The following TULP4 variants were observed in gnomAD, a reference collection of about 807,000 sequenced individuals.
TULP4 encodes TUB like protein 4, also known as tubby-related protein 4.
In TULP4, 16 loss-of-function variants were observed where a neutral mutation model predicts 129.0. The observed-to-expected ratio is 0.12, with a 90% CI of 0.08 to 0.19. TULP4 has a LOEUF of 0.19. Among genes scored for constraint, TULP4 ranks in the 10% least tolerant of loss-of-function variants. TULP4 has a pLI of 1.00. For missense variants in TULP4, 1,842 were observed against 2,059.1 expected (o/e 0.89, Z 2.04); for synonymous variants, 998 against 854.0 (o/e 1.17, Z -2.94).
chr6:158,455,443 C>T (rs948341151), intron 5 of TULP4, among the ~76,000 whole-genome samples: 4 of 151,868 alleles, frequency 2.6e-5, no homozygotes, highest in African/African-American at 9.7e-5. Context: ...CAGTTATTTA[C>T]AGGATGCTTT....
At chr6:158,459,169 G>A (rs1779361884) in intron 5 of TULP4, among the ~76,000 whole-genome samples, 1 of 152,156 alleles carries the variant, frequency 6.6e-6, no homozygotes, top group East Asian at 1.9e-4. Flanking sequence ...GGTGGCTCAC[G>A]CCTGTAATCT....
intron 1 of TULP4, among the ~76,000 whole-genome samples, chr6:158,296,306 G>T (rs190365615): frequency 6.6e-6 from 1 of 151,808 alleles, no homozygotes; most frequent in Admixed American, 6.6e-5. Flanking sequence ...ATATTTCAAC[G>T]TAGGTTCTAT....
At position 158,362,670 on chromosome 6, in the gene TULP4, A is replaced by G. The variant is rs116484324; in HGVS notation, c.252+48402A>G. On this transcript the variant is annotated intron_variant, in intron 1 of 13. Transcript: ENST00000367097. ...CGGCCAGAGGGATTTTCATAATTAT[A>G]TTTATACTTCTCTGAGGTCTTTGGT... Among the ~76,000 whole-genome samples the G allele has an allele frequency of 8.9e-3, 1,358 of 152,180 alleles. 18 individuals carry two copies. Among genetic ancestry groups the G allele is most frequent in the African/African-American group, 0.03 (1,245 of 41,506 alleles).
chr6:158,349,251 CGGCCGGGCAGAGGCGCTCCTCACCTCCCA>C (rs1780418732), intron 1 of TULP4, among the ~76,000 whole-genome samples: 1 of 122,560 alleles, frequency 8.2e-6, no homozygotes, highest in Non-Finnish European at 1.7e-5. Flanking sequence ...CCAGATGGGG[CGGCCGGGCAGAGGCGCTCCTCACCTCCCA>C]GATGGGGCGG....
intron 1 of TULP4, among the ~76,000 whole-genome samples, chr6:158,341,145 A>G (rs1056057987): frequency 3.3e-5 from 5 of 151,930 alleles, no homozygotes; most frequent in South Asian, 2.1e-4. Flanking sequence ...CATGAGGTCA[A>G]TTTTTTTCTT....
At chr6:158,495,576 C>T (rs1476043708) in intron 11 of TULP4, among the ~76,000 whole-genome samples, 1 of 152,180 alleles carries the variant, frequency 6.6e-6, no homozygotes, top group Non-Finnish European at 1.5e-5. Context: ...AGTGCAGTGG[C>T]TCACGCCTGT....
chr6:158,309,213 A>G (rs1779287694), upstream of TULP4, among the ~76,000 whole-genome samples: 1 of 57,116 alleles, frequency 1.8e-5, no homozygotes. Context: ...CACTTCTCAG[A>G]CGGGACGGCC....
chr6:158,347,977 G>GT (rs907819948), intron 1 of TULP4, among the ~76,000 whole-genome samples: 93 of 147,712 alleles, frequency 6.3e-4, no homozygotes, highest in East Asian at 9.9e-4. Context: ...TCCAACCTGG[G>GT]TTTTTTTTTT....
intron 1 of TULP4, among the ~76,000 whole-genome samples, chr6:158,400,486 A>G (rs1777816516): frequency 1.4e-5 from 2 of 139,514 alleles, no homozygotes; most frequent in Admixed American, 1.4e-4. Flanking sequence ...ATCCGTATCT[A>G]AAATGGTCAT....
At chr6:158,479,725 A>AT (rs1779896219) in intron 6 of TULP4, 26 bp from the exon 7 acceptor site, 1 of 1,604,694 alleles carries the variant, frequency 6.2e-7, no homozygotes, top group Admixed American at 1.7e-5. Context: ...AAGCTTAAGC[A>AT]TTGTCTTCCC....
intron 1 of TULP4, among the ~76,000 whole-genome samples, chr6:158,335,211 A>C (rs759792944): frequency 6.7e-6 from 1 of 150,294 alleles, no homozygotes; most frequent in Non-Finnish European, 1.5e-5. Flanking sequence ...CGGGAGGCAG[A>C]GGTTGCAGTG....
intron 1 of TULP4, among the ~76,000 whole-genome samples, chr6:158,388,336 T>TTG: frequency 7.4e-6 from 1 of 135,600 alleles, no homozygotes. Context: ...TTTTTTTTTT[T>TTG]TTTTTTTTTT....
chr6:158,404,912 C>T (rs762461437), intron 1 of TULP4, among the ~76,000 whole-genome samples: 6 of 151,780 alleles, frequency 4.0e-5, no homozygotes, highest in African/African-American at 7.3e-5. Flanking sequence ...TATTTTAAGC[C>T]GAATGAGAAC....
At chr6:158,275,975 CTTCTTTTTT>C (rs1352063307) in intron 1 of TULP4, among the ~76,000 whole-genome samples, 2 of 151,974 alleles carry the variant, frequency 1.3e-5, no homozygotes, top group African/African-American at 4.8e-5. Flanking sequence ...GAGACTTTTT[CTTCTTTTTT>C]TTGTTACGGC....
At chr6:158,337,295 A>T (rs1463254980) in intron 1 of TULP4, among the ~76,000 whole-genome samples, 1 of 151,394 alleles carries the variant, frequency 6.6e-6, no homozygotes, top group Non-Finnish European at 1.5e-5. Context: ...ATGCCCAGCT[A>T]TTTTTTTGTA....
chr6:158,303,273 G>C lies in TULP4; in HGVS notation n.117-8778G>C, dbSNP rs561975907. On this transcript the variant is annotated intron_variant and non_coding_transcript_variant, in intron 1 of 1. Coordinates refer to the TULP4 transcript ENST00000432358. ...TCAATGTAGGTTCTATTTTCCGTAA[G>C]TGTTGGCCGGCTGAGAAATAAAGGC... is the stretch of plus-strand genomic sequence containing the variant. Among the ~76,000 whole-genome samples, 3 of 152,096 alleles carry C rather than the reference G, an allele frequency of 2.0e-5. No homozygotes were observed. The South Asian group carries it at 6.2e-4, about 32-fold the overall frequency.
intron 1 of TULP4, among the ~76,000 whole-genome samples, chr6:158,261,640 G>A (rs4710169): frequency 0.33 from 50,022 of 152,078 alleles, 9,219 homozygotes; most frequent in Admixed American, 0.45. Context: ...TTTCTTTAAC[G>A]TGCAGGGTTC....
chr6:158,299,508 C>T (rs1779097324), intron 1 of TULP4, among the ~76,000 whole-genome samples: 1 of 152,168 alleles, frequency 6.6e-6, no homozygotes, highest in Middle Eastern at 3.4e-3. Flanking sequence ...AGGGAGAGGC[C>T]GGAGACCAAA....
chr6:158,495,344 C>T (rs752951453), intron 11 of TULP4, among the ~76,000 whole-genome samples: 5 of 152,174 alleles, frequency 3.3e-5, no homozygotes, highest in South Asian at 2.1e-4. Flanking sequence ...TGAGCCATCA[C>T]GCCTGGTCGC....
Sources: gnomAD v4.1 joint callset for allele counts (sites outside exome capture counted in the v4.1 genomes callset) on GRCh38, gnomAD v4.1.1 for gene constraint, MANE v1.5 for transcripts, NCBI Gene and HGNC (gene_info 2026-07-23, HGNC 2026-07-21) for gene names.